Variants in ATP13A4 observed in about 807,000 individuals in gnomAD.
The protein encoded by ATP13A4 is probable cation-transporting ATPase 13A4.
In ATP13A4, 114 loss-of-function variants were observed where a neutral mutation model predicts 142.5. The ratio of observed to expected loss-of-function variants is 0.80; its 90% confidence interval spans 0.69 to 0.93. The LOEUF (loss-of-function observed/expected upper bound fraction) is 0.93, where lower values mean the gene tolerates loss of function less well. ATP13A4 is among the 40% of genes least tolerant of loss of function. The pLI is 0.00. For synonymous variants in ATP13A4, 488 were observed against 514.8 expected, an observed-to-expected ratio of 0.95 and a Z score of 0.70; for missense variants, 1,392 against 1,454.0, an observed-to-expected ratio of 0.96 and a Z score of 0.69.
At chr3:193,420,187 C>A (rs1261244392) in intron 25 of ATP13A4, among the ~76,000 whole-genome samples, 1 of 149,562 alleles carries the variant, frequency 6.7e-6, no homozygotes, top group Non-Finnish European at 1.5e-5. Flanking sequence ...ATAGGTCATG[C>A]CAGACCTGAC....
chr3:193,457,430 C>A lies in ATP13A4; in HGVS notation c.1710G>T (p.Lys570Asn), dbSNP rs1035381147. Residue 570 changes from lysine (K) to asparagine (N), a missense_variant, in exon 15 of 30, where the codon AAG (lysine) becomes AAT (asparagine). Transcript: ENST00000342695. ...CTACCATGGCATGTGCCGGCACTCCCTTGATGTGGAAATCGTCCCCAGAAA... is the reference window on the plus strand; with the variant it reads ...CTACCATGGCATGTGCCGGCACTCCATTGATGTGGAAATCGTCCCCAGAAA... Reference protein sequence around the residue: ...MAFSGDDFHIKGVPAHAMVVK... With the variant: ...MAFSGDDFHINGVPAHAMVVK... The A allele has an allele frequency of 6.2e-7, 1 of 1,614,206 alleles. No individual in the cohort carries two copies. The highest frequency in any genetic ancestry group is 8.5e-7 in the Non-Finnish European group (1 of 1,180,040).
chr3:193,417,840 C>T (rs6783804), intron 25 of ATP13A4, among the ~76,000 whole-genome samples: 7,321 of 145,824 alleles, frequency 0.05, 568 homozygotes, highest in African/African-American at 0.11. Context: ...AAAAAATTAG[C>T]GGCCGGGCGC....
chr3:193,426,122 A>G (rs999299565), intron 25 of ATP13A4, among the ~76,000 whole-genome samples: 11 of 151,832 alleles, frequency 7.2e-5, no homozygotes, highest in Non-Finnish European at 1.3e-4. Context: ...TGAAAATCTT[A>G]AGAAACTCAC....
chr3:193,404,172 A>T, intron 29 of ATP13A4: 1 of 984,998 alleles, frequency 1.0e-6, no homozygotes, highest in Non-Finnish European at 1.2e-6. Flanking sequence ...TAGAGCTGGG[A>T]TAAGGCAGGA....
At chr3:193,538,667 G>A (rs1277080214) in intron 1 of ATP13A4, among the ~76,000 whole-genome samples, 1 of 151,626 alleles carries the variant, frequency 6.6e-6, no homozygotes, top group Non-Finnish European at 1.5e-5. Context: ...ATTTTACTAG[G>A]GGCAATAAAG....
chr3:193,531,302 GGAAGGA>G (rs1560262195), intron 1 of ATP13A4, among the ~76,000 whole-genome samples: 112 of 105,174 alleles, frequency 1.1e-3, no homozygotes, highest in African/African-American at 4.5e-3. Context: ...GAGGGAGGAA[GGAAGGA>G]AGGAAGGAAG....
intron 2 of ATP13A4, among the ~76,000 whole-genome samples, chr3:193,563,157 T>C (rs185597016): frequency 6.6e-6 from 1 of 152,120 alleles, no homozygotes; most frequent in African/African-American, 2.4e-5. Flanking sequence ...CCCAAAAAAA[T>C]ATGAAATGGG....
At chr3:193,444,659 TAAA>T (rs1716837537) in intron 18 of ATP13A4, among the ~76,000 whole-genome samples, 1 of 152,176 alleles carries the variant, frequency 6.6e-6, no homozygotes. Context: ...GATAATAACA[TAAA>T]GAAGAGAAAG....
chr3:193,573,595 C>T (rs1408511107), intron 2 of ATP13A4, among the ~76,000 whole-genome samples: 2 of 151,932 alleles, frequency 1.3e-5, no homozygotes, highest in African/African-American at 4.8e-5. Flanking sequence ...TATAGTTTTT[C>T]TCCACTCGAG....
At chr3:193,421,515 C>A (rs1715399289) in intron 25 of ATP13A4, among the ~76,000 whole-genome samples, 1 of 149,834 alleles carries the variant, frequency 6.7e-6, no homozygotes, top group Non-Finnish European at 1.5e-5. Context: ...TCCAGAATAT[C>A]CCAATACTGT....
chr3:193,493,361 C>T (rs1045756680), intron 3 of ATP13A4, among the ~76,000 whole-genome samples: 1 of 152,094 alleles, frequency 6.6e-6, no homozygotes, highest in African/African-American at 2.4e-5. Context: ...ATTCAATCAA[C>T]ATGTATCATG....
intron 1 of ATP13A4, among the ~76,000 whole-genome samples, chr3:193,523,236 G>A (rs1577048868): frequency 6.6e-6 from 1 of 152,006 alleles, no homozygotes; most frequent in African/African-American, 2.4e-5. Flanking sequence ...CCTGGGAAGC[G>A]GAAGTTGTAG....
intron 2 of ATP13A4, among the ~76,000 whole-genome samples, chr3:193,568,266 C>T (rs1366980306): frequency 1.2e-4 from 18 of 152,146 alleles, no homozygotes; most frequent in Admixed American, 1.2e-3. Flanking sequence ...CAGCCAAGCA[C>T]CACCACTTTC....
intron 2 of ATP13A4, among the ~76,000 whole-genome samples, chr3:193,567,952 C>T (rs1250595028): frequency 6.6e-6 from 1 of 150,386 alleles, no homozygotes; most frequent in East Asian, 2.0e-4. Context: ...CACTTTCTTT[C>T]TTTTCTTTTC....
At chr3:193,433,417 G>A (rs1716087840) in intron 25 of ATP13A4, among the ~76,000 whole-genome samples, 1 of 152,114 alleles carries the variant, frequency 6.6e-6, no homozygotes, top group Non-Finnish European at 1.5e-5. Flanking sequence ...AGGTATAATG[G>A]CAAGATTACC....
Position 193,514,755 on chromosome 3 carries a change from C to A in ATP13A4, c.177G>T (p.Trp59Cys). The A allele has an allele frequency of 1.9e-6, 3 of 1,614,134 alleles. No homozygotes were observed. Among genetic ancestry groups the A allele is most frequent in the Non-Finnish European group, 2.5e-6 (3 of 1,180,032 alleles). ...VFYWRPAWHV[W>C]AHCVPCSLQE... ...GCAAGGAACATGGGACACAATGTGC[C>A]CATACGTGCCATGCTGGTCTCCAGT... The change falls in exon 2 of 30, where the codon TGG becomes TGT. Residue 59 changes from tryptophan (W) to cysteine (C), a missense_variant. Physicochemically the swap from Trp to Cys is radical, Grantham distance 215 (BLOSUM62 -2). Coordinates refer to ENST00000342695, the MANE Select transcript of ATP13A4 (RefSeq NM_032279.4).
At chr3:193,585,405 A>G (rs1369789095) in intron 1 of ATP13A4, among the ~76,000 whole-genome samples, 1 of 152,146 alleles carries the variant, frequency 6.6e-6, no homozygotes, top group East Asian at 1.9e-4. Flanking sequence ...GGGCAACAAG[A>G]GCAAAGCTCT....
chr3:193,486,896 A>G (rs2108661201), intron 7 of ATP13A4, among the ~76,000 whole-genome samples: 1 of 152,352 alleles, frequency 6.6e-6, no homozygotes, highest in Non-Finnish European at 1.5e-5. Context: ...TTATGCTACC[A>G]CTTACATAAG....
intron 3 of ATP13A4, among the ~76,000 whole-genome samples, chr3:193,494,817 A>T (rs1720135598): frequency 2.0e-5 from 3 of 152,060 alleles, no homozygotes; most frequent in South Asian, 4.1e-4. Flanking sequence ...AAAAACCCAA[A>T]GAGCTGGATT....
Sources: gnomAD v4.1 joint callset for allele counts (sites outside exome capture counted in the v4.1 genomes callset) on GRCh38, gnomAD v4.1.1 for gene constraint, MANE v1.5 for transcripts, NCBI Gene and HGNC (gene_info 2026-07-23, HGNC 2026-07-21) for gene names.